MACROD2: variants seen among roughly 807,000 people sequenced by gnomAD.
MACROD2 encodes the protein mono-ADP ribosylhydrolase 2.
In MACROD2, 36 loss-of-function variants were observed where a neutral mutation model predicts 70.4. The observed-to-expected ratio is 0.51, with a 90% CI of 0.39 to 0.68. The LOEUF is 0.68. Among genes scored for constraint, MACROD2 ranks in the 30% least tolerant of loss-of-function variants. The pLI is 0.00. For missense variants in MACROD2, 496 were observed against 538.4 expected, an observed-to-expected ratio of 0.92 and a Z score of 0.78; for synonymous variants, 172 against 178.8, an observed-to-expected ratio of 0.96 and a Z score of 0.30.
intron 10 of MACROD2, among the ~76,000 whole-genome samples, chr20:15,898,570 A>AAC (rs397963173): frequency 1.3e-5 from 2 of 150,936 alleles, no homozygotes; most frequent in Admixed American, 6.6e-5. Context: ...AAAAAAAAAA[A>AAC]CAAATTCTAG....
At chr20:15,365,197 G>T (rs1365731041) in intron 6 of MACROD2, among the ~76,000 whole-genome samples, 1 of 152,052 alleles carries the variant, frequency 6.6e-6, no homozygotes, top group Non-Finnish European at 1.5e-5. Context: ...ATTTAAGGCA[G>T]ATGTTTTAAA....
chr20:14,336,843 C>T (rs1281295382), intron 3 of MACROD2, among the ~76,000 whole-genome samples: 2 of 152,176 alleles, frequency 1.3e-5, no homozygotes, highest in Non-Finnish European at 1.5e-5. Context: ...CTTGAAGCAG[C>T]TCAGGCACGA....
At chr20:14,078,037 G>A (rs1013029510) in intron 2 of MACROD2, among the ~76,000 whole-genome samples, 1 of 151,750 alleles carries the variant, frequency 6.6e-6, no homozygotes, top group African/African-American at 2.4e-5. Flanking sequence ...CGAGTAGCTG[G>A]GATTACAGAC....
chr20:15,921,246 T>C (rs2065401235), intron 10 of MACROD2, among the ~76,000 whole-genome samples: 1 of 152,174 alleles, frequency 6.6e-6, no homozygotes, highest in Non-Finnish European at 1.5e-5. Context: ...CCGTACTAAA[T>C]TACTGTGACT....
intron 8 of MACROD2, among the ~76,000 whole-genome samples, chr20:15,658,994 T>G (rs417099): frequency 0.64 from 97,717 of 152,092 alleles, 32,207 homozygotes; most frequent in East Asian, 0.84. Context: ...TAGTTGCTTT[T>G]AATTTTTAAA....
intron 6 of MACROD2, among the ~76,000 whole-genome samples, chr20:15,234,007 ATATTCTTTTTTT>A (rs2076986720): frequency 2.0e-5 from 1 of 49,662 alleles, no homozygotes; most frequent in African/African-American, 6.4e-5. Context: ...ATATATATAT[ATATTCTTTTTTT>A]TTTTTTTTTT....
chr20:15,170,761 G>A (rs1601171866), intron 5 of MACROD2, among the ~76,000 whole-genome samples: 1 of 152,228 alleles, frequency 6.6e-6, no homozygotes, highest in South Asian at 2.1e-4. Context: ...AGTGTTTTCA[G>A]TTGTCACAGG....
chr20:14,484,335 T>C (rs893413556), intron 3 of MACROD2, among the ~76,000 whole-genome samples: 1 of 152,152 alleles, frequency 6.6e-6, no homozygotes, highest in South Asian at 2.1e-4. Flanking sequence ...TGTATATATA[T>C]AGAAGTACAT....
At chr20:14,590,221 A>C (rs138573298) in intron 4 of MACROD2, among the ~76,000 whole-genome samples, 6 of 152,296 alleles carry the variant, frequency 3.9e-5, no homozygotes, top group East Asian at 3.9e-4. Flanking sequence ...GGATAAACAC[A>C]TATGAACTGG....
chr20:15,414,903 A>T (rs1475807955), intron 6 of MACROD2, among the ~76,000 whole-genome samples: 2 of 152,188 alleles, frequency 1.3e-5, no homozygotes, highest in Non-Finnish European at 2.9e-5. Flanking sequence ...CGGAATCAGA[A>T]TTTGCATTTT....
chr20:15,111,618 T>G (rs554889286), intron 5 of MACROD2, among the ~76,000 whole-genome samples: 6 of 152,354 alleles, frequency 3.9e-5, no homozygotes, highest in Admixed American at 3.9e-4. Context: ...AGAATATGTT[T>G]GGTCCTTTCC....
At chr20:14,757,540 C>A in intron 5 of MACROD2, 1 of 777,152 alleles carries the variant, frequency 1.3e-6, no homozygotes, top group Non-Finnish European at 2.2e-6. Flanking sequence ...TAGGCCCTGG[C>A]CCCGGACCCT....
intron 4 of MACROD2, among the ~76,000 whole-genome samples, chr20:14,564,164 C>T (rs545028797): frequency 2.1e-4 from 32 of 151,914 alleles, no homozygotes; most frequent in Middle Eastern, 6.8e-3. Flanking sequence ...GAAACTGGAC[C>T]CCTATCTTGT....
chr20:14,733,146 T>G (rs1457426549), intron 5 of MACROD2, among the ~76,000 whole-genome samples: 1 of 152,170 alleles, frequency 6.6e-6, no homozygotes, highest in East Asian at 1.9e-4. Flanking sequence ...ACACACTGCT[T>G]TAAAAGAACT....
Position 15,429,570 on chromosome 20 carries a change from G to A in MACROD2, c.541-1835G>A, listed in dbSNP as rs1010225168. Among the ~76,000 whole-genome samples, 8 of 151,910 alleles carry A rather than the reference G, an allele frequency of 5.3e-5. No homozygotes were observed. The East Asian group carries it at 1.3e-3, about 26-fold the overall frequency. On this transcript the variant is annotated intron_variant, in intron 6 of 17. Coordinates refer to ENST00000684519, the MANE Select transcript of MACROD2 (RefSeq NM_001351661.2). Reference sequence around the variant, plus strand: ...ATGCAAAGGGAATAAACAAACATAGGCTATGCAATAGTGTTAATAGAAATA... The same window carrying A: ...ATGCAAAGGGAATAAACAAACATAGACTATGCAATAGTGTTAATAGAAATA...
At chr20:14,438,107 C>G (rs943074070) in intron 3 of MACROD2, among the ~76,000 whole-genome samples, 42 of 152,140 alleles carry the variant, frequency 2.8e-4, no homozygotes, top group African/African-American at 9.9e-4. Flanking sequence ...ATTTCCTCCT[C>G]CCACCTCAAC....
chr20:14,116,982 G>A (rs1405541203), intron 3 of MACROD2, among the ~76,000 whole-genome samples: 12 of 150,950 alleles, frequency 7.9e-5, no homozygotes, highest in Non-Finnish European at 1.3e-4. Context: ...CAGGAGAATC[G>A]CTTGAACCCG....
intron 2 of MACROD2, among the ~76,000 whole-genome samples, chr20:14,029,374 A>G (rs1206678085): frequency 6.6e-6 from 1 of 152,178 alleles, no homozygotes; most frequent in East Asian, 1.9e-4. Context: ...GTGTCTTGTA[A>G]TATTTGAGGC....
chr20:14,984,013 G>T (rs940176729), intron 5 of MACROD2, among the ~76,000 whole-genome samples: 2 of 152,110 alleles, frequency 1.3e-5, no homozygotes, highest in African/African-American at 4.8e-5. Context: ...TGGTTCAGGG[G>T]GACTCCCTCC....
Sources: allele counts gnomAD v4.1 joint callset (sites outside exome capture counted in the v4.1 genomes callset), GRCh38; gene constraint gnomAD v4.1.1; transcripts MANE v1.5; gene names NCBI Gene and HGNC (gene_info 2026-07-23, HGNC 2026-07-21).